SGCD: variants seen among roughly 807,000 people sequenced by gnomAD.
The protein encoded by SGCD is sarcoglycan delta, also known as delta-sarcoglycan.
A neutral mutation model predicts 36.6 loss-of-function variants in SGCD; 18 were observed. That is an observed-to-expected ratio of 0.49 (90% CI 0.34 to 0.73). The LOEUF is 0.73. Among genes scored for constraint, SGCD ranks in the 30% least tolerant of loss-of-function variants. The pLI is 0.01. For missense variants in SGCD, 387 were observed against 346.7 expected (o/e 1.12, Z -0.92); for synonymous variants, 133 against 130.6 (o/e 1.02, Z -0.12).
intron 2 of SGCD, among the ~76,000 whole-genome samples, chr5:156,332,167 C>T (rs1462170675): frequency 1.3e-5 from 2 of 152,180 alleles, no homozygotes; most frequent in Admixed American, 6.5e-5. Flanking sequence ...GTTTGCGTCC[C>T]CACCCCTCTG....
chr5:156,133,914 A>AACACACACACACACACACAC (rs70981997), intron 3 of SGCD, among the ~76,000 whole-genome samples: 39 of 140,416 alleles, frequency 2.8e-4, no homozygotes, highest in Non-Finnish European at 4.8e-4. Flanking sequence ...GCCGGGTTAA[A>AACACACACACACACACACAC]ACACACACAC....
At chr5:156,582,072 A>G (rs1381934832) in intron 4 of SGCD, among the ~76,000 whole-genome samples, 2 of 151,736 alleles carry the variant, frequency 1.3e-5, no homozygotes, top group African/African-American at 4.8e-5. Flanking sequence ...TGGGGGCTCA[A>G]TTTTTTTTTA....
the SGCD span, among the ~76,000 whole-genome samples, chr5:155,840,694 CT>C: frequency 6.6e-6 from 1 of 151,104 alleles, no homozygotes; most frequent in African/African-American, 2.4e-5. Flanking sequence ...TCTCTGGCTT[CT>C]TTTATTGAAG....
At chr5:155,783,197 T>C in the SGCD span, among the ~76,000 whole-genome samples, 1 of 152,140 alleles carries the variant, frequency 6.6e-6, no homozygotes, top group Non-Finnish European at 1.5e-5. Context: ...CAGAAGAGAA[T>C]TCTATAATTG....
intron 1 of SGCD, among the ~76,000 whole-genome samples, chr5:156,106,509 C>T (rs1031767144): frequency 6.6e-6 from 1 of 152,162 alleles, no homozygotes; most frequent in African/African-American, 2.4e-5. Context: ...CTAGAACAAT[C>T]TATTTAGTGA....
chr5:156,725,803 C>T (rs534915079), intron 7 of SGCD, among the ~76,000 whole-genome samples: 14 of 152,314 alleles, frequency 9.2e-5, no homozygotes, highest in African/African-American at 2.9e-4. Context: ...AATTGACTAA[C>T]GTGTCTGCAC....
intron 1 of SGCD, among the ~76,000 whole-genome samples, chr5:156,083,850 C>A (rs1407298858): frequency 6.6e-6 from 1 of 151,558 alleles, no homozygotes; most frequent in Non-Finnish European, 1.5e-5. Flanking sequence ...TGTCCCGTTG[C>A]TCCAGTAACA....
At chr5:156,757,373 C>T (rs933821460) in intron 7 of SGCD, among the ~76,000 whole-genome samples, 1 of 149,248 alleles carries the variant, frequency 6.7e-6, no homozygotes. Flanking sequence ...AGAACACTTT[C>T]CTTACAGCCT....
the SGCD span, among the ~76,000 whole-genome samples, chr5:155,851,885 C>T: frequency 1.3e-5 from 2 of 152,218 alleles, no homozygotes; most frequent in African/African-American, 2.4e-5. Context: ...AGTACACACA[C>T]TCATCATCAG....
At chr5:156,476,296 G>C (rs948647573) in intron 3 of SGCD, among the ~76,000 whole-genome samples, 4 of 152,164 alleles carry the variant, frequency 2.6e-5, no homozygotes, top group Non-Finnish European at 5.9e-5. Context: ...GAAAAAATTA[G>C]TAAAATCCAC....
chr5:156,554,059 A>G (rs1758902511), intron 4 of SGCD, among the ~76,000 whole-genome samples: 1 of 152,154 alleles, frequency 6.6e-6, no homozygotes, highest in Non-Finnish European at 1.5e-5. Context: ...AGTGCAGTGC[A>G]ATAAGACATT....
At chr5:156,010,285 C>G (rs1215285783) in intron 1 of SGCD, among the ~76,000 whole-genome samples, 2 of 152,108 alleles carry the variant, frequency 1.3e-5, no homozygotes, top group Non-Finnish European at 2.9e-5. Context: ...TAGGATATTA[C>G]TGTTGGGAAT....
At chr5:156,402,376 G>A (rs1186430974) in intron 3 of SGCD, among the ~76,000 whole-genome samples, 2 of 152,164 alleles carry the variant, frequency 1.3e-5, no homozygotes, top group Admixed American at 6.5e-5. Flanking sequence ...AGGACATATG[G>A]CATAGAGCAA....
chr5:156,505,578 G>A (rs185914491), intron 3 of SGCD, among the ~76,000 whole-genome samples: 1 of 152,304 alleles, frequency 6.6e-6, no homozygotes, highest in African/African-American at 2.4e-5. Context: ...TGTATGGTGT[G>A]TCCAGGCAGG....
intron 7 of SGCD, among the ~76,000 whole-genome samples, chr5:156,653,846 T>C (rs1763570291): frequency 6.6e-6 from 1 of 152,104 alleles, no homozygotes; most frequent in South Asian, 2.1e-4. Flanking sequence ...CACTGCTATG[T>C]CTTCTAGATT....
the SGCD span, among the ~76,000 whole-genome samples, chr5:155,847,031 A>C: frequency 6.6e-6 from 1 of 152,220 alleles, no homozygotes; most frequent in Non-Finnish European, 1.5e-5. Context: ...GGAAAAATTC[A>C]TAATACCTTA....
the SGCD span, among the ~76,000 whole-genome samples, chr5:155,864,492 A>G: frequency 2.6e-5 from 4 of 152,290 alleles, no homozygotes; most frequent in African/African-American, 9.6e-5. Flanking sequence ...GGCCTGGATT[A>G]ATTAAATTAA....
chr5:156,406,819 TACACACACACACACACACAC>T (rs58920671), intron 3 of SGCD, among the ~76,000 whole-genome samples: 29 of 104,258 alleles, frequency 2.8e-4, no homozygotes, highest in East Asian at 6.8e-4. Flanking sequence ...TATATATATA[TACACACACACACACACACAC>T]ACATATATAT....
intron 2 of SGCD, among the ~76,000 whole-genome samples, chr5:156,340,720 G>A (rs1346929287): frequency 1.3e-5 from 2 of 152,176 alleles, no homozygotes; most frequent in African/African-American, 4.8e-5. Context: ...TCAAAGGCCT[G>A]GGGTCTGCCC....
Sources: allele counts gnomAD v4.1 joint callset (sites outside exome capture counted in the v4.1 genomes callset), GRCh38; gene constraint gnomAD v4.1.1; transcripts MANE v1.5; gene names NCBI Gene and HGNC (gene_info 2026-07-23, HGNC 2026-07-21).